The following THSD7B variants were observed in gnomAD, a reference collection of about 807,000 sequenced individuals.
THSD7B encodes the protein thrombospondin type-1 domain-containing protein 7B.
THSD7B carries 138 observed loss-of-function variants against 213.6 expected under a neutral mutation model. The observed-to-expected ratio is 0.65, with a 90% CI of 0.56 to 0.74. THSD7B has a LOEUF of 0.74. Ranked by LOEUF, THSD7B falls within the 30% of genes least tolerant of loss-of-function variation. The pLI is 0.00. For synonymous variants in THSD7B, 742 were observed against 687.0 expected, an observed-to-expected ratio of 1.08 and a Z score of -1.25; for missense variants, 1,931 against 1,991.5, an observed-to-expected ratio of 0.97 and a Z score of 0.58.
At chr2:137,359,098 A>G (rs540233974) in intron 12 of THSD7B, among the ~76,000 whole-genome samples, 5 of 152,324 alleles carry the variant, frequency 3.3e-5, no homozygotes, top group African/African-American at 9.6e-5. Context: ...GTGTGCTTAC[A>G]TGTCTTCTTT....
intron 10 of THSD7B, among the ~76,000 whole-genome samples, chr2:137,263,012 GCT>G (rs1682488547): frequency 1.3e-5 from 2 of 152,096 alleles, no homozygotes; most frequent in Non-Finnish European, 2.9e-5. Context: ...GATAAGGTTA[GCT>G]CTCTCTAAAT....
At chr2:136,930,097 ATCTCT>A (rs996121232) in intron 2 of THSD7B, among the ~76,000 whole-genome samples, 4 of 152,222 alleles carry the variant, frequency 2.6e-5, no homozygotes, top group African/African-American at 7.2e-5. Context: ...ACAAAAGCAC[ATCTCT>A]GCTCTGCAAG....
At chr2:136,917,479 T>G (rs1462480255) in intron 2 of THSD7B, among the ~76,000 whole-genome samples, 1 of 152,160 alleles carries the variant, frequency 6.6e-6, no homozygotes, top group African/African-American at 2.4e-5. Context: ...AGCTCTCAGC[T>G]GGGGGTGGGG....
rs779224498 is a variant in THSD7B, at chr2:137,160,395, A to G, written c.1525+27A>G. 5.6e-6 allele frequency: 9 copies of G among 1,607,852 alleles called. No homozygotes were observed. In the Admixed American group the frequency reaches 8.4e-5, roughly 15 times the overall value. ...TGAGTGCCTTGTTTGCATGCGCTTC[A>G]TTTGCTGTCAGCGTACAAACATTTA... On this transcript the variant is annotated intron_variant, in intron 6 of 27. Transcript: ENST00000409968.
chr2:137,250,542 A>C (rs972038289), intron 10 of THSD7B, among the ~76,000 whole-genome samples: 2 of 152,226 alleles, frequency 1.3e-5, no homozygotes, highest in Admixed American at 1.3e-4. Context: ...AACTAACATT[A>C]ATAAATACCA....
chr2:136,811,004 G>A (rs999436663), intron 1 of THSD7B, among the ~76,000 whole-genome samples: 1 of 152,152 alleles, frequency 6.6e-6, no homozygotes, highest in Non-Finnish European at 1.5e-5. Flanking sequence ...AATACAAGTT[G>A]CGTGAATGGA....
intron 2 of THSD7B, among the ~76,000 whole-genome samples, chr2:136,977,852 G>A (rs993653994): frequency 2.7e-5 from 4 of 148,282 alleles, no homozygotes; most frequent in Non-Finnish European, 5.9e-5. Flanking sequence ...CACCCAGGCC[G>A]GAAAAGGCAT....
chr2:136,867,018 T>G (rs972794824), intron 1 of THSD7B, among the ~76,000 whole-genome samples: 1 of 152,232 alleles, frequency 6.6e-6, no homozygotes, highest in Non-Finnish European at 1.5e-5. Context: ...CCTATTCACT[T>G]CATTCATTTC....
In THSD7B at chr2:137,282,792, G is replaced by A. The variant is rs182439722; in HGVS notation, c.2500+6766G>A. Among the ~76,000 whole-genome samples, 6 of 152,288 alleles carry A rather than the reference G, an allele frequency of 3.9e-5. No individual in the cohort carries two copies. In the East Asian group the frequency reaches 1.2e-3, roughly 29 times the overall value. On this transcript the variant is annotated intron_variant, in intron 12 of 27. Transcript: ENST00000409968. ...TCTGTTTTGGTACCAGTGCCATGCT[G>A]TTTTGGTTACTGTAGCCTTGTAGTA...
At position 137,242,048 on chromosome 2, in the gene THSD7B, C is replaced by T. The variant is rs369206556; in HGVS notation, c.2151-409C>T. ...TGTTTTCCAATATATGTTTATATTT[C>T]TTTTATAATCCTTTCTTTTGTAGAA... On this transcript the variant is annotated intron_variant, in intron 9 of 27. Transcript: ENST00000409968. Among the ~76,000 whole-genome samples the T allele has an allele frequency of 8.5e-4, 129 of 151,784 alleles. 3 individuals are homozygous for T. The South Asian group carries it at 0.027, about 31-fold the overall frequency.
chr2:137,578,537 A>G (rs1365162531), intron 17 of THSD7B, among the ~76,000 whole-genome samples: 2 of 152,174 alleles, frequency 1.3e-5, no homozygotes, highest in Non-Finnish European at 2.9e-5. Flanking sequence ...ATTTACCTTA[A>G]AGTCTACTCC....
chr2:137,507,208 T>G (rs572283418), intron 15 of THSD7B, among the ~76,000 whole-genome samples: 34 of 152,204 alleles, frequency 2.2e-4, no homozygotes, highest in Admixed American at 3.9e-4. Context: ...CTCACTCCAG[T>G]GCCAGAAAGT....
At chr2:137,130,933 A>G (rs1391404798) in intron 5 of THSD7B, among the ~76,000 whole-genome samples, 1 of 151,782 alleles carries the variant, frequency 6.6e-6, no homozygotes, top group African/African-American at 2.4e-5. Flanking sequence ...TTCTAGTTCT[A>G]GATCTCTGAG....
chr2:137,114,952 A>G (rs1688418144), intron 4 of THSD7B, among the ~76,000 whole-genome samples, 172 bp from the exon 5 acceptor site: 2 of 151,530 alleles, frequency 1.3e-5, no homozygotes, highest in African/African-American at 4.8e-5. Flanking sequence ...TTTTTTTTCT[A>G]GGAAATAAAA....
At chr2:137,528,252 G>A (rs557533708) in intron 15 of THSD7B, among the ~76,000 whole-genome samples, 5 of 152,192 alleles carry the variant, frequency 3.3e-5, no homozygotes, top group African/African-American at 9.6e-5. Flanking sequence ...TATTTGGAAA[G>A]GAAGCATGAT....
chr2:137,010,443 T>C (rs1686209165), intron 2 of THSD7B, among the ~76,000 whole-genome samples: 1 of 152,116 alleles, frequency 6.6e-6, no homozygotes, highest in East Asian at 1.9e-4. Context: ...AATGTCTACC[T>C]CCCCTGACAC....
chr2:137,396,564 G>A (rs2104988242), intron 12 of THSD7B, among the ~76,000 whole-genome samples: 1 of 142,052 alleles, frequency 7.0e-6, no homozygotes, highest in South Asian at 2.5e-4. Flanking sequence ...TACATTTGCT[G>A]AGGAGAGCTT....
chr2:137,089,298 G>GTATATATACATATA (rs1687904020), intron 3 of THSD7B, among the ~76,000 whole-genome samples: 1 of 148,328 alleles, frequency 6.7e-6, no homozygotes, highest in African/African-American at 2.5e-5. Context: ...ACATATATAT[G>GTATATATACATATA]TGTGTGTATA....
chr2:136,846,690 T>G (rs892165294), intron 1 of THSD7B, among the ~76,000 whole-genome samples: 2 of 152,154 alleles, frequency 1.3e-5, no homozygotes, highest in Admixed American at 6.6e-5. Flanking sequence ...CTTTTTTACT[T>G]GTATAATGTA....
Sources: gnomAD v4.1 joint callset for allele counts (sites outside exome capture counted in the v4.1 genomes callset) on GRCh38, gnomAD v4.1.1 for gene constraint, MANE v1.5 for transcripts, NCBI Gene and HGNC (gene_info 2026-07-23, HGNC 2026-07-21) for gene names.